NFKB1: variants seen among roughly 807,000 people sequenced by gnomAD.
NFKB1 encodes nuclear factor kappa B subunit 1.
NFKB1 carries 9 observed loss-of-function variants against 105.1 expected under a neutral mutation model. That is an observed-to-expected ratio of 0.09 (90% confidence interval 0.05 to 0.15). NFKB1 has a LOEUF of 0.15. Among genes scored for constraint, NFKB1 ranks in the 10% least tolerant of loss-of-function variants. The probability of loss-of-function intolerance (pLI) is 1.00; values close to 1 mark genes in which losing one functional copy is unlikely to be tolerated. For missense variants in NFKB1, 830 were observed against 1,203.7 expected (o/e 0.69, Z 4.59); for synonymous variants, 440 against 442.2 (o/e 1.00, Z 0.06).
rs1385867352 is a variant in NFKB1 at position 102,616,579 on chromosome 4, A to G, written c.2895A>G (p.Leu965=). The change falls in exon 24 of 24, where the codon CTA becomes CTG. Residue 965 remains leucine (L), a synonymous_variant. Coordinates refer to ENST00000226574, the MANE Select transcript of NFKB1 (RefSeq NM_003998.4). ...ATGATTATGGGCAGGAAGGACCTCT[A>G]GAAGGCAAAATTTAGCCTGCTGACA... is the stretch of plus-strand genomic sequence containing the variant. ...MPHDYGQEGP[L]EGKI The G allele has an allele frequency of 2.5e-6, 4 of 1,614,052 alleles. No individual in the cohort carries two copies. The highest frequency in any genetic ancestry group is 4.5e-5 in the East Asian group (2 of 44,882).
chr4:102,569,036 A>G (rs775987435), intron 6 of NFKB1, among the ~76,000 whole-genome samples: 2 of 152,144 alleles, frequency 1.3e-5, no homozygotes, highest in Non-Finnish European at 2.9e-5. Context: ...AGTGTTTCCT[A>G]TGAAAAGTCA....
In NFKB1 at chr4:102,606,440, G is replaced by A. The variant is rs569708422; in HGVS notation, c.1753-56G>A. 92 of 1,535,648 alleles carry A rather than the reference G, an allele frequency of 6.0e-5. No homozygotes were observed. In the African/African-American group the frequency reaches 1.1e-3, roughly 18 times the overall value. ...TGCAGTAACAGCTACCAAGCTGTGA[G>A]TTGTAAGTAAGTATTCACTGCTGAC... On this transcript the variant is annotated intron_variant, in intron 16 of 23. Coordinates refer to ENST00000226574, the MANE Select transcript of NFKB1 (RefSeq NM_003998.4).
Position 102,576,856 on chromosome 4 carries a change from T to C in NFKB1, c.408-20T>C. ...AACTTTTGGTTGTTGTTGCTGCTGCTGTTACTGTTTTTTCTCCAGCTTCGC... is the reference window on the plus strand; with the variant it reads ...AACTTTTGGTTGTTGTTGCTGCTGCCGTTACTGTTTTTTCTCCAGCTTCGC... On this transcript the variant is annotated intron_variant, in intron 6 of 23. Coordinates refer to ENST00000226574, the MANE Select transcript of NFKB1 (RefSeq NM_003998.4). 1 of 1,598,030 alleles carries C rather than the reference T, an allele frequency of 6.3e-7. No homozygotes were observed. Among genetic ancestry groups the C allele is most frequent in the South Asian group, 1.1e-5 (1 of 87,764 alleles).
At chr4:102,509,809 C>T (rs1314483649) in intron 1 of NFKB1, among the ~76,000 whole-genome samples, 1 of 152,192 alleles carries the variant, frequency 6.6e-6, no homozygotes, top group East Asian at 1.9e-4. Context: ...ATCCCTTCCT[C>T]GTTGAATTTC....
chr4:102,576,188 A>G (rs1724805768), intron 6 of NFKB1, among the ~76,000 whole-genome samples: 1 of 152,236 alleles, frequency 6.6e-6, no homozygotes, highest in Non-Finnish European at 1.5e-5. Context: ...GTGTATACTT[A>G]GATGACAACT....
chr4:102,601,621 G>A (rs898836222), intron 16 of NFKB1, among the ~76,000 whole-genome samples: 6 of 152,184 alleles, frequency 3.9e-5, no homozygotes, highest in Non-Finnish European at 7.3e-5. Context: ...TTTTCCAGAG[G>A]TCTTCCAACA....
chr4:102,548,340 T>G (rs1439549991), intron 5 of NFKB1, among the ~76,000 whole-genome samples: 1 of 151,996 alleles, frequency 6.6e-6, no homozygotes, highest in Non-Finnish European at 1.5e-5. Flanking sequence ...TGAAGACCAG[T>G]CAGGTAGGCT....
intron 1 of NFKB1, among the ~76,000 whole-genome samples, chr4:102,512,409 C>T (rs1468043290): frequency 1.3e-5 from 2 of 152,258 alleles, no homozygotes; most frequent in African/African-American, 4.8e-5. Flanking sequence ...AATGCAGTGG[C>T]GCAATCATGG....
At chr4:102,593,370 A>T in intron 11 of NFKB1, 55 bp from the exon 12 acceptor site, 1 of 1,481,692 alleles carries the variant, frequency 6.7e-7, no homozygotes, top group Non-Finnish European at 9.3e-7. Flanking sequence ...TTCTGTGGCT[A>T]GTGGTGGGAC....
intron 5 of NFKB1, among the ~76,000 whole-genome samples, chr4:102,557,844 C>T (rs1303252662): frequency 6.6e-6 from 1 of 152,094 alleles, no homozygotes; most frequent in Non-Finnish European, 1.5e-5. Flanking sequence ...TTCACTTTCT[C>T]ACAGCTGGCA....
chr4:102,541,028 A>T (rs1263110532), intron 5 of NFKB1, among the ~76,000 whole-genome samples: 1 of 152,192 alleles, frequency 6.6e-6, no homozygotes, highest in African/African-American at 2.4e-5. Flanking sequence ...GGATAGATAC[A>T]TCTAAAGTTT....
chr4:102,577,277 G>C (rs1724905530), intron 7 of NFKB1, among the ~76,000 whole-genome samples: 1 of 152,050 alleles, frequency 6.6e-6, no homozygotes, highest in South Asian at 2.1e-4. Flanking sequence ...CTCATCTCCA[G>C]CCCACCTTGC....
At chr4:102,607,902 T>G in intron 19 of NFKB1, 151 bp downstream of exon 19, 1 of 696,838 alleles carries the variant, frequency 1.4e-6, no homozygotes, top group Non-Finnish European at 2.5e-6. Context: ...TCACATTTTA[T>G]CTGCCATAAG....
intron 2 of NFKB1, among the ~76,000 whole-genome samples, chr4:102,528,710 A>C (rs1291570719): frequency 6.6e-6 from 1 of 152,242 alleles, no homozygotes. Flanking sequence ...TTAAAGTCCT[A>C]AATGAGCCAG....
chr4:102,587,718 T>C (rs569155945), intron 11 of NFKB1, among the ~76,000 whole-genome samples: 11 of 152,068 alleles, frequency 7.2e-5, no homozygotes, highest in Non-Finnish European at 1.5e-4. Context: ...TACTTACCCA[T>C]TGAGCTCTGA....
intron 11 of NFKB1, among the ~76,000 whole-genome samples, chr4:102,590,799 C>A (rs1483101874): frequency 6.6e-6 from 1 of 152,168 alleles, no homozygotes; most frequent in Non-Finnish European, 1.5e-5. Flanking sequence ...AAAAGTCACA[C>A]CTCTCACTTG....
chr4:102,552,905 G>T (rs987884275), intron 5 of NFKB1, among the ~76,000 whole-genome samples: 2 of 151,920 alleles, frequency 1.3e-5, no homozygotes, highest in African/African-American at 4.8e-5. Context: ...CAATATTTTG[G>T]TTAACCTCAG....
At chr4:102,512,643 C>G (rs1257288913) in intron 1 of NFKB1, among the ~76,000 whole-genome samples, 1 of 152,190 alleles carries the variant, frequency 6.6e-6, no homozygotes, top group East Asian at 1.9e-4. Flanking sequence ...CCACACCCAG[C>G]CATGTATATG....
At chr4:102,519,133 A>G (rs1740398858) in intron 1 of NFKB1, among the ~76,000 whole-genome samples, 1 of 151,992 alleles carries the variant, frequency 6.6e-6, no homozygotes, top group Admixed American at 6.6e-5. Flanking sequence ...TTGTTGGCAT[A>G]GTAGGCATAA....
Sources: allele counts gnomAD v4.1 joint callset (sites outside exome capture counted in the v4.1 genomes callset), GRCh38; gene constraint gnomAD v4.1.1; transcripts MANE v1.5; gene names NCBI Gene and HGNC (gene_info 2026-07-23, HGNC 2026-07-21).